Variants in COL4A2 observed in about 807,000 individuals in gnomAD.
COL4A2 encodes the protein collagen type IV alpha 2 chain, also known as collagen alpha-2(IV) chain.
Under a neutral mutation model 200.2 loss-of-function variants are expected in COL4A2, and 99 were observed. The ratio of observed to expected loss-of-function variants is 0.49; its 90% CI spans 0.42 to 0.58. COL4A2 has a LOEUF of 0.58. COL4A2 is among the 20% of genes least tolerant of loss of function. The pLI is 0.00. For synonymous variants in COL4A2, 897 were observed against 900.6 expected (o/e 1.00, Z 0.07); for missense variants, 1,950 against 2,314.1 (o/e 0.84, Z 3.23).
intron 17 of COL4A2, among the ~76,000 whole-genome samples, chr13:110,446,418 G>A (rs1881326560): frequency 6.6e-6 from 1 of 152,198 alleles, no homozygotes; most frequent in South Asian, 2.1e-4. Context: ...TTACGACACA[G>A]ATGGCGCTCC....
At chr13:110,394,714 C>T (rs1297354344) in intron 4 of COL4A2, among the ~76,000 whole-genome samples, 10 of 152,186 alleles carry the variant, frequency 6.6e-5, no homozygotes, top group Admixed American at 6.5e-4. Flanking sequence ...AGGTGGGCTC[C>T]TCCGCGGGTG....
At chr13:110,342,516 T>C (rs1297689173) in intron 3 of COL4A2, among the ~76,000 whole-genome samples, 1 of 152,174 alleles carries the variant, frequency 6.6e-6, no homozygotes, top group South Asian at 2.1e-4. Context: ...GTTAAGAACA[T>C]GGACCATGGA....
intron 17 of COL4A2, among the ~76,000 whole-genome samples, chr13:110,446,445 C>T (rs554137611): frequency 3.9e-5 from 6 of 152,272 alleles, no homozygotes; most frequent in East Asian, 3.9e-4. Flanking sequence ...GTCCTGCGGC[C>T]GCATCATCTC....
intron 4 of COL4A2, among the ~76,000 whole-genome samples, chr13:110,419,767 C>G (rs1037634405): frequency 5.3e-5 from 8 of 152,194 alleles, no homozygotes; most frequent in Admixed American, 2.0e-4. Flanking sequence ...AGCCCCCGCG[C>G]CCCGTCCTCA....
rs545268854 is a variant in COL4A2, at chr13:110,454,610, G to A, written c.1340-2733G>A. The stretch of plus-strand genomic sequence containing the variant: ...CTTTGTCCCCAGCAGTGCGGGGTGC[G>A]GCCGCCTCTCCTCCTGAGACGCTGT... On this transcript the variant is annotated intron_variant, in intron 20 of 47. Transcript: ENST00000360467. 9.2e-5 allele frequency among the ~76,000 whole-genome samples: 14 copies of A among 152,144 alleles called. No individual in the cohort carries two copies. The South Asian group carries it at 2.5e-3, about 27-fold the overall frequency.
At chr13:110,402,251 G>A (rs927110842) in intron 4 of COL4A2, among the ~76,000 whole-genome samples, 1 of 152,210 alleles carries the variant, frequency 6.6e-6, no homozygotes, top group Non-Finnish European at 1.5e-5. Flanking sequence ...CTCCCAGTAT[G>A]AGCCTATGAA....
chr13:110,405,558 C>G (rs183386286), intron 4 of COL4A2, among the ~76,000 whole-genome samples: 1 of 152,244 alleles, frequency 6.6e-6, no homozygotes, highest in Non-Finnish European at 1.5e-5. Flanking sequence ...CCACGTTAGA[C>G]AGGGGGAGAA....
chr13:110,361,449 A>G (rs1877509512), intron 4 of COL4A2, among the ~76,000 whole-genome samples: 2 of 152,168 alleles, frequency 1.3e-5, no homozygotes, highest in Non-Finnish European at 1.5e-5. Context: ...CAGCCCTGGA[A>G]ATGCCTGGCT....
chr13:110,425,653 G>A (rs752757977), intron 6 of COL4A2, among the ~76,000 whole-genome samples: 18 of 152,122 alleles, frequency 1.2e-4, no homozygotes, highest in Non-Finnish European at 2.1e-4. Flanking sequence ...CCTCCCATCC[G>A]GCTACTGCTG....
rs185029344 is a variant in COL4A2 at position 110,445,813 on chromosome 13, A to G, written c.958-16A>G. The G allele has an allele frequency of 3.7e-6, 6 of 1,614,188 alleles. No homozygotes were observed. Among genetic ancestry groups the G allele is most frequent in the East Asian group, 4.5e-5 (2 of 44,884 alleles). ...ACATCAGAGACAAAAATTAAAAGCA[A>G]ATATCTTTCTTGCAGGGAAGCCGAG... On this transcript the variant is annotated splice_polypyrimidine_tract_variant and intron_variant, in intron 16 of 47. Coordinates refer to ENST00000360467, the MANE Select transcript of COL4A2 (RefSeq NM_001846.4).
chr13:110,323,045 C>A (rs1566472805), intron 3 of COL4A2, among the ~76,000 whole-genome samples: 1 of 152,360 alleles, frequency 6.6e-6, no homozygotes, highest in East Asian at 1.9e-4. Flanking sequence ...CCAGCTGTTA[C>A]AACCAACCCA....
intron 30 of COL4A2, among the ~76,000 whole-genome samples, chr13:110,479,039 G>C (rs1297105658): frequency 1.3e-5 from 2 of 152,194 alleles, no homozygotes; most frequent in Non-Finnish European, 2.9e-5. Context: ...AAGAGCTGGG[G>C]GCTGGACTCA....
intron 4 of COL4A2, among the ~76,000 whole-genome samples, chr13:110,368,615 C>A (rs1325425235): frequency 1.3e-5 from 2 of 152,070 alleles, no homozygotes; most frequent in African/African-American, 4.8e-5. Flanking sequence ...AGTTTGTTTT[C>A]ACTTTAAAGC....
rs769851485 is a variant in COL4A2, at chr13:110,484,956, G to C, written c.2954G>C (p.Gly985Ala). 6.2e-7 allele frequency: 1 copy of C among 1,613,340 alleles called. No individual in the cohort carries two copies. Among genetic ancestry groups the C allele is most frequent in the Admixed American group, 1.7e-5 (1 of 60,002 alleles). Reference protein sequence around the residue: ...PPGPPPVILPGMKDIKGEKGD... With the variant: ...PPGPPPVILPAMKDIKGEKGD... ...GGACCACCTCCTGTCATCCTGCCAG[G>C]AATGAAAGACATTAAAGGAGAGAAA... Residue 985 changes from glycine (G) to alanine (A), a missense_variant, in exon 33 of 48, where the codon GGA (glycine) becomes GCA (alanine). Physicochemically the swap from Gly to Ala is moderately conservative, Grantham distance 60 (BLOSUM62 0). Transcript: ENST00000360467.
Position 110,450,473 on chromosome 13 carries a change from A to G in COL4A2, c.1339+19A>G, listed in dbSNP as rs780420440. On this transcript the variant is annotated intron_variant, in intron 20 of 47. Coordinates refer to ENST00000360467, the MANE Select transcript of COL4A2 (RefSeq NM_001846.4). ...CCTGATGGTGAGTGGAGGGAAACAA[A>G]AGGGAGGGTGTAGCCTAATGTTCAG... 1.2e-6 allele frequency: 2 copies of G among 1,612,772 alleles called. No individual in the cohort carries two copies. Among genetic ancestry groups the G allele is most frequent in the South Asian group, 2.2e-5 (2 of 91,046 alleles).
intron 4 of COL4A2, among the ~76,000 whole-genome samples, chr13:110,361,345 G>T (rs143424774): frequency 1.3e-5 from 2 of 152,202 alleles, no homozygotes; most frequent in Non-Finnish European, 2.9e-5. Context: ...GCTGGACAGA[G>T]CTTGCTGTCG....
rs182278784 is a variant in COL4A2, at chr13:110,506,573, G to A, written c.4561G>A (p.Glu1521Lys). 1.8e-5 allele frequency: 29 copies of A among 1,612,692 alleles called. No homozygotes were observed. Among genetic ancestry groups the A allele is most frequent in the Middle Eastern group, 1.7e-4 (1 of 6,058 alleles). ...GAGTGGATACAGCCTGCTGTACTTC[G>A]AGGGCCAGGAGAAGGCGCACAACCA... ...LWSGYSLLYF[E>K]GQEKAHNQDL... Residue 1521 changes from glutamate (E) to lysine (K), a missense_variant, in exon 46 of 48, where the codon GAG becomes AAG. Glu to Lys is a moderately conservative substitution (Grantham distance 56). Around this residue, in one of 2 missense-constraint regions of COL4A2, gnomAD observed 1,385 missense variants for 1,720.5 expected, o/e 0.80. Transcript: ENST00000360467.
At chr13:110,466,632 G>A (rs1401510046) in intron 26 of COL4A2, among the ~76,000 whole-genome samples, 1 of 152,182 alleles carries the variant, frequency 6.6e-6, no homozygotes, top group East Asian at 1.9e-4. Context: ...CAAAGGAGAA[G>A]TCAAATAATT....
intron 3 of COL4A2, among the ~76,000 whole-genome samples, chr13:110,327,153 C>G (rs1168507759): frequency 6.6e-6 from 1 of 152,132 alleles, no homozygotes; most frequent in African/African-American, 2.4e-5. Flanking sequence ...AGGTGCTAAC[C>G]CAGGCTGGCC....
Sources: gnomAD v4.1 joint callset for allele counts (sites outside exome capture counted in the v4.1 genomes callset) on GRCh38, gnomAD v4.1.1 for gene constraint, gnomAD v4.1.1 regional missense constraint, MANE v1.5 for transcripts, NCBI Gene and HGNC (gene_info 2026-07-23, HGNC 2026-07-21) for gene names.